GTF2A1L: variants seen among roughly 807,000 people sequenced by gnomAD.
GTF2A1L encodes general transcription factor IIA subunit 1 like.
Under a neutral mutation model 49.7 loss-of-function variants are expected in GTF2A1L, and 48 were observed. That is an observed-to-expected ratio of 0.97 (90% CI 0.77 to 1.23). The LOEUF is 1.23. GTF2A1L is among the 50% of genes most tolerant of loss of function. The pLI, the probability that GTF2A1L is intolerant of heterozygous loss-of-function variation, is 0.00. For missense variants in GTF2A1L, 736 were observed against 564.8 expected (o/e 1.30, Z -3.07); for synonymous variants, 246 against 193.5 (o/e 1.27, Z -2.25).
intron 3 of GTF2A1L, among the ~76,000 whole-genome samples, chr2:48,622,324 G>A (rs1282021861): frequency 1.3e-5 from 2 of 152,154 alleles, no homozygotes; most frequent in Non-Finnish European, 2.9e-5. Context: ...ATTTTGCTCT[G>A]TAAGAATTAG....
intron 6 of GTF2A1L, among the ~76,000 whole-genome samples, chr2:48,662,644 T>G (rs1043634611): frequency 6.8e-6 from 1 of 146,266 alleles, no homozygotes; most frequent in African/African-American, 2.6e-5. Flanking sequence ...ACAGAAATCT[T>G]GGTTGATCTT....
At chr2:48,640,546 G>A (rs1410966735) in intron 3 of GTF2A1L, among the ~76,000 whole-genome samples, 1 of 151,922 alleles carries the variant, frequency 6.6e-6, no homozygotes, top group East Asian at 1.9e-4. Flanking sequence ...GGGTGGGCGG[G>A]GGCAGAGGAG....
intron 3 of GTF2A1L, among the ~76,000 whole-genome samples, chr2:48,640,100 G>A (rs896414924): frequency 6.6e-6 from 1 of 152,164 alleles, no homozygotes; most frequent in African/African-American, 2.4e-5. Flanking sequence ...CTGTTGGTGG[G>A]AGTGCAAATT....
chr2:48,649,679 G>C (rs1274308719), intron 6 of GTF2A1L, among the ~76,000 whole-genome samples: 1 of 152,164 alleles, frequency 6.6e-6, no homozygotes, highest in African/African-American at 2.4e-5. Flanking sequence ...CTCTCTTCCT[G>C]GTGGCTTCCA....
intron 3 of GTF2A1L, among the ~76,000 whole-genome samples, chr2:48,636,045 C>G (rs907111480): frequency 6.6e-6 from 1 of 152,192 alleles, no homozygotes; most frequent in Non-Finnish European, 1.5e-5. Context: ...ATCACAGTGG[C>G]TGTTTGGCAG....
intron 3 of GTF2A1L, among the ~76,000 whole-genome samples, chr2:48,635,480 G>T (rs1288906575): frequency 6.6e-6 from 1 of 152,062 alleles, no homozygotes; most frequent in African/African-American, 2.4e-5. Flanking sequence ...CTCGATCCCA[G>T]GGGAACAGCA....
intron 5 of GTF2A1L, among the ~76,000 whole-genome samples, chr2:48,645,811 G>C (rs1212481346): frequency 6.6e-6 from 1 of 152,086 alleles, no homozygotes; most frequent in Admixed American, 6.6e-5. Context: ...ACCACGCCCG[G>C]CTAATTTTTT....
intron 3 of GTF2A1L, among the ~76,000 whole-genome samples, chr2:48,627,311 G>C (rs559511384): frequency 7.0e-6 from 1 of 143,876 alleles, no homozygotes; most frequent in African/African-American, 2.5e-5. Flanking sequence ...GAACCACAAG[G>C]AACTTTTTGG....
rs540901543 is a variant in GTF2A1L at position 48,627,129 on chromosome 2, A to AACAT, written c.247+5840_247+5841insCATA. Among the ~76,000 whole-genome samples, 81 of 143,954 alleles carry AACAT rather than the reference A, an allele frequency of 5.6e-4. 17 individuals carry two copies. In the South Asian group the frequency reaches 0.014, roughly 25 times the overall value. 94.4% of individuals were successfully genotyped at this position (143,954 alleles called of 152,430 possible). On this transcript the variant is annotated intron_variant, in intron 3 of 8. Coordinates refer to ENST00000403751, the MANE Select transcript of GTF2A1L (RefSeq NM_006872.5). ...ATTTTTTATATCTGTTCCTAAATTC[A>AACAT]ATCTGTTGTGATATGTTGTTTTTGT...
At chr2:48,650,193 AT>A (rs1482993701) in intron 6 of GTF2A1L, among the ~76,000 whole-genome samples, 1 of 152,240 alleles carries the variant, frequency 6.6e-6, no homozygotes, top group African/African-American at 2.4e-5. Context: ...TAATCTAAGA[AT>A]ATATACACAC....
chr2:48,664,145 T>G (rs34793022), intron 6 of GTF2A1L, among the ~76,000 whole-genome samples: 3 of 152,008 alleles, frequency 2.0e-5, no homozygotes, highest in Non-Finnish European at 4.4e-5. Context: ...CTTATTGCAC[T>G]GACTAGGACT....
chr2:48,666,845 T>C (rs1297184827), intron 6 of GTF2A1L, among the ~76,000 whole-genome samples: 2 of 152,186 alleles, frequency 1.3e-5, no homozygotes, highest in Non-Finnish European at 2.9e-5. Flanking sequence ...TCATGGATTT[T>C]TTTCCACTTT....
In GTF2A1L at chr2:48,621,170, T is replaced by C. The variant is rs1230544533; in HGVS notation, c.127T>C (p.Trp43Arg). 1 of 1,612,912 alleles carries C rather than the reference T, an allele frequency of 6.2e-7. No homozygotes were observed. Among genetic ancestry groups the C allele is most frequent in the South Asian group, 1.1e-5 (1 of 90,568 alleles). The change falls in exon 3 of 9, where the codon TGG becomes CGG. Residue 43 changes from tryptophan (W) to arginine (R), a missense_variant. Coordinates refer to ENST00000403751, the MANE Select transcript of GTF2A1L (RefSeq NM_006872.5). The part of the protein sequence containing the change: ...EQVLKDLKQL[W>R]ETKVLQSKAT... ...ACTTTTTTTTTCCCCTCTGCAGCTC[T>C]GGGAAACCAAGGTTTTGCAGTCTAA...
chr2:48,620,270 C>A (rs1675906995), intron 1 of GTF2A1L, among the ~76,000 whole-genome samples: 1 of 152,170 alleles, frequency 6.6e-6, no homozygotes, highest in African/African-American at 2.4e-5. Flanking sequence ...AACCATGCAT[C>A]TTTGAGATTA....
At chr2:48,672,223 A>G (rs1328418973) in intron 8 of GTF2A1L, among the ~76,000 whole-genome samples, 1 of 152,236 alleles carries the variant, frequency 6.6e-6, no homozygotes, top group South Asian at 2.1e-4. Flanking sequence ...GAATAGCCCA[A>G]TAAAAAGCAG....
intron 3 of GTF2A1L, among the ~76,000 whole-genome samples, chr2:48,627,913 T>G (rs1367379665): frequency 1.4e-5 from 2 of 143,692 alleles, no homozygotes; most frequent in African/African-American, 5.0e-5. Context: ...TTTCTCTTGT[T>G]GGCATCTTTA....
At chr2:48,647,125 A>G in intron 6 of GTF2A1L, 83 bp downstream of exon 6, 8 of 1,204,070 alleles carry the variant, frequency 6.6e-6, no homozygotes, top group Non-Finnish European at 7.9e-6. Context: ...TCAAGCTGTA[A>G]TGTTAATCAG....
At chr2:48,639,708 A>C (rs1446099575) in intron 3 of GTF2A1L, among the ~76,000 whole-genome samples, 1 of 152,246 alleles carries the variant, frequency 6.6e-6, no homozygotes, top group Non-Finnish European at 1.5e-5. Context: ...GTGAGATCTA[A>C]TTAAACTTAA....
Position 48,645,016 on chromosome 2 carries a change from A to G in GTF2A1L, c.304-17A>G, listed in dbSNP as rs372382809. ...AAGTCCTTTTCTAACTTTCTAATAT[A>G]AATTTCTTATATCTAGGGCACTTCA... On this transcript the variant is annotated splice_polypyrimidine_tract_variant and intron_variant, in intron 4 of 8. Transcript: ENST00000403751. 7.6e-5 allele frequency: 120 copies of G among 1,583,110 alleles called. No individual in the cohort carries two copies. In the Middle Eastern group the frequency reaches 8.7e-4, roughly 11 times the overall value.
Sources: allele counts gnomAD v4.1 joint callset (sites outside exome capture counted in the v4.1 genomes callset), GRCh38; gene constraint gnomAD v4.1.1; transcripts MANE v1.5; gene names NCBI Gene and HGNC (gene_info 2026-07-23, HGNC 2026-07-21).